FBXW10: variants seen among roughly 807,000 people sequenced by gnomAD.
FBXW10 encodes F-box and WD repeat domain containing 10.
In FBXW10, 68 loss-of-function variants were observed where a neutral mutation model predicts 113.1. That is an observed-to-expected ratio of 0.60 (90% CI 0.49 to 0.74). The LOEUF is 0.74. Ranked by LOEUF, FBXW10 falls within the 30% of genes least tolerant of loss-of-function variation. The probability of loss-of-function intolerance (pLI) is 0.00; values close to 1 mark genes in which losing one functional copy is unlikely to be tolerated. For synonymous variants in FBXW10, 289 were observed against 481.6 expected (o/e 0.60, Z 5.24); for missense variants, 753 against 1,284.5 (o/e 0.59, Z 6.32).
Position 18,778,826 on chromosome 17 carries a change from A to G in FBXW10, c.2687A>G (p.Lys896Arg). The change falls in exon 14 of 14, where the codon AAG (lysine) becomes AGG (arginine). Residue 896 changes from lysine to arginine, a missense_variant. Lys to Arg is a conservative substitution (Grantham distance 26). Coordinates refer to ENST00000395665, the MANE Select transcript of FBXW10 (RefSeq NM_001267585.2). ...ATCCAGAAACTGCAGCCCAACTTGAAGATCTCTTTGCACAGTCCTAGAGTC... is the reference window on the plus strand; with the variant it reads ...ATCCAGAAACTGCAGCCCAACTTGAGGATCTCTTTGCACAGTCCTAGAGTC... ...LEIQKLQPNL[K>R]ISLHSPRVQS... The G allele has an allele frequency of 6.2e-7, 1 of 1,613,922 alleles. No homozygotes were observed. Among genetic ancestry groups the G allele is most frequent in the Non-Finnish European group, 8.5e-7 (1 of 1,179,868 alleles).
chr17:18,765,893 AT>A (rs751234040), intron 8 of FBXW10, among the ~76,000 whole-genome samples: 9,832 of 142,956 alleles, frequency 0.069, 342 homozygotes, highest in South Asian at 0.092. Context: ...CGCCCAGCTA[AT>A]TTTTTTTTTT....
At chr17:18,766,143 A>C (rs2035492956) in intron 8 of FBXW10, among the ~76,000 whole-genome samples, 1 of 151,904 alleles carries the variant, frequency 6.6e-6, no homozygotes, top group African/African-American at 2.4e-5. Context: ...CAGTAAACCC[A>C]CCCCTAGCTG....
At chr17:18,774,743 C>T (rs1044374276) in intron 12 of FBXW10, among the ~76,000 whole-genome samples, 3 of 152,132 alleles carry the variant, frequency 2.0e-5, no homozygotes, top group Admixed American at 2.0e-4. Flanking sequence ...TGCGGTGAGC[C>T]GAGATCGTGC....
chr17:18,761,409 G>A (rs1338498592), intron 7 of FBXW10, among the ~76,000 whole-genome samples: 1 of 151,902 alleles, frequency 6.6e-6, no homozygotes, highest in Non-Finnish European at 1.5e-5. Flanking sequence ...GGGACTACAG[G>A]CACCCGCCAC....
chr17:18,754,660 T>C (rs891137510), intron 5 of FBXW10, among the ~76,000 whole-genome samples: 3 of 151,572 alleles, frequency 2.0e-5, no homozygotes, highest in African/African-American at 7.3e-5. Context: ...TAAATGGAAC[T>C]GAGAGTCTAG....
At chr17:18,768,503 G>C (rs2035547389) in intron 9 of FBXW10, 31 bp from the exon 10 acceptor site, 1 of 1,612,382 alleles carries the variant, frequency 6.2e-7, no homozygotes, top group African/African-American at 1.3e-5. Context: ...GTCACAGTCT[G>C]AGTTGAAGAC....
At chr17:18,777,483 T>C (rs1026241040) in intron 13 of FBXW10, among the ~76,000 whole-genome samples, 1 of 152,164 alleles carries the variant, frequency 6.6e-6, no homozygotes, top group Admixed American at 6.5e-5. Flanking sequence ...CTACTATAAA[T>C]TTATAAGATC....
At chr17:18,764,093 A>T (rs2035438867) in intron 7 of FBXW10, among the ~76,000 whole-genome samples, 1 of 145,922 alleles carries the variant, frequency 6.9e-6, no homozygotes, top group East Asian at 2.0e-4. Context: ...CACCAAAAAT[A>T]TCTCCAGATA....
chr17:18,752,794 T>G (rs1265408105), intron 5 of FBXW10, among the ~76,000 whole-genome samples: 1 of 152,136 alleles, frequency 6.6e-6, no homozygotes, highest in Non-Finnish European at 1.5e-5. Flanking sequence ...CTTCACCCAT[T>G]TTATAGATAA....
intron 7 of FBXW10, among the ~76,000 whole-genome samples, chr17:18,761,969 CTT>C: frequency 6.8e-6 from 1 of 146,292 alleles, no homozygotes. Flanking sequence ...TTTTCTTTTT[CTT>C]TTTTTTTTTG....
chr17:18,747,327 G>A (rs1221401365), intron 1 of FBXW10, among the ~76,000 whole-genome samples: 1 of 152,144 alleles, frequency 6.6e-6, no homozygotes, highest in Non-Finnish European at 1.5e-5. Flanking sequence ...TTTGGAGGCC[G>A]AGGCGGGTGG....
chr17:18,759,825 C>T (rs1416967477), intron 7 of FBXW10, among the ~76,000 whole-genome samples: 1 of 152,102 alleles, frequency 6.6e-6, no homozygotes, highest in Non-Finnish European at 1.5e-5. Flanking sequence ...CCATGTTAGC[C>T]AGGATGGTCT....
chr17:18,755,829 AAAG>A (rs1176535852), intron 5 of FBXW10, among the ~76,000 whole-genome samples: 2 of 152,050 alleles, frequency 1.3e-5, no homozygotes, highest in African/African-American at 4.8e-5. Context: ...CAAAGAGATG[AAAG>A]AAGAATTAAG....
At position 18,748,207 on chromosome 17, in the gene FBXW10, C is replaced by T. The variant is rs529470940; in HGVS notation, c.670+102C>T. On this transcript the variant is annotated intron_variant, in intron 2 of 13. Coordinates refer to ENST00000395665, the MANE Select transcript of FBXW10 (RefSeq NM_001267585.2). ...GGCCGAGGCAAGCAGATCATGAGGT[C>T]AGGAGATCGAGACCATCCTGGCTAA... The T allele has an allele frequency of 2.6e-5, 40 of 1,535,532 alleles. No individual in the cohort carries two copies. The African/African-American group carries it at 5.0e-4, about 19-fold the overall frequency.
chr17:18,770,194 G>T, intron 11 of FBXW10, 109 bp downstream of exon 11: 2 of 1,495,486 alleles, frequency 1.3e-6, no homozygotes, highest in South Asian at 2.3e-5. Context: ...AGGAGAGAGT[G>T]TGCAATGCCT....
chr17:18,766,378 A>C (rs572448055), intron 8 of FBXW10, among the ~76,000 whole-genome samples: 3 of 151,834 alleles, frequency 2.0e-5, no homozygotes, highest in Non-Finnish European at 4.4e-5. Context: ...AATCTACTCG[A>C]TAGCAAGCAT....
At chr17:18,778,397 C>T (rs1567627530) in intron 13 of FBXW10, 78 bp from the exon 14 acceptor site, 1 of 1,474,406 alleles carries the variant, frequency 6.8e-7, no homozygotes, top group African/African-American at 1.4e-5. Context: ...AGTTTGAATG[C>T]CCAAGTACTT....
chr17:18,755,754 T>C (rs1314811690), intron 5 of FBXW10, among the ~76,000 whole-genome samples: 1 of 151,962 alleles, frequency 6.6e-6, no homozygotes, highest in South Asian at 2.1e-4. Context: ...TTTGAAAAAG[T>C]TGTGTTATTG....
At chr17:18,772,736 G>A in intron 12 of FBXW10, 53 bp downstream of exon 12, 1 of 1,510,444 alleles carries the variant, frequency 6.6e-7, no homozygotes, top group South Asian at 1.2e-5. Context: ...AGCAGGTCGG[G>A]GTTTGGTGGG....
Sources: allele counts gnomAD v4.1 joint callset (sites outside exome capture counted in the v4.1 genomes callset), GRCh38; gene constraint gnomAD v4.1.1; transcripts MANE v1.5; gene names NCBI Gene and HGNC (gene_info 2026-07-23, HGNC 2026-07-21).